Variants in B4GALT6 observed in about 807,000 individuals in gnomAD.
B4GALT6 encodes beta-1,4-galactosyltransferase 6.
A neutral mutation model predicts 46.3 loss-of-function variants in B4GALT6; 14 were observed. That is an observed-to-expected ratio of 0.30 (90% CI 0.20 to 0.47). The LOEUF (loss-of-function observed/expected upper bound fraction) is 0.47, where lower values mean the gene tolerates loss of function less well. B4GALT6 is among the 20% of genes least tolerant of loss of function. The pLI is 0.99. For synonymous variants in B4GALT6, 168 were observed against 162.0 expected (o/e 1.04, Z -0.28); for missense variants, 386 against 480.1 (o/e 0.80, Z 1.83).
upstream of B4GALT6, among the ~76,000 whole-genome samples, chr18:31,687,170 G>A (rs2029958821): frequency 6.6e-6 from 1 of 152,282 alleles, no homozygotes; most frequent in South Asian, 2.1e-4. Flanking sequence ...ACTTTTATCT[G>A]TTGTACCAGA....
rs565913357 is a variant in B4GALT6, at chr18:31,662,099, T to C, written c.233-4010A>G. ...AGGGCCAGAGAGAATTGTTCTACTT[T>C]TTATTTTAGTGCTAGAATGACTGAA... is the stretch of plus-strand genomic sequence containing the variant. On this transcript the variant is annotated intron_variant, in intron 2 of 8. Coordinates refer to ENST00000306851, the MANE Select transcript of B4GALT6 (RefSeq NM_004775.5). Among the ~76,000 whole-genome samples, 11 of 152,342 alleles carry C rather than the reference T, an allele frequency of 7.2e-5. No homozygotes were observed. In the South Asian group the frequency reaches 2.1e-3, roughly 29 times the overall value.
At position 31,624,245 on chromosome 18, in the gene B4GALT6, C is replaced by T. The variant is rs1227500132; in HGVS notation, c.*1369G>A. 1 of 151,916 alleles carries T rather than the reference C, an allele frequency of 6.6e-6. No individual in the cohort carries two copies. The highest frequency in any genetic ancestry group is 6.6e-5 in the Admixed American group (1 of 15,238). 9.4% of individuals were successfully genotyped at this position (151,916 alleles called of 1,614,324 possible). The stretch of plus-strand genomic sequence containing the variant: ...GGCATCAGTGCACCAAATAACTCAT[C>T]ACGTATTTTAAGACAATGCTATTAA... On this transcript the variant is annotated 3_prime_UTR_variant, in exon 9 of 9. Transcript: ENST00000306851.
chr18:31,652,749 G>T (rs1253739099), intron 3 of B4GALT6, among the ~76,000 whole-genome samples: 5 of 152,120 alleles, frequency 3.3e-5, no homozygotes, highest in Non-Finnish European at 7.4e-5. Context: ...GCCACATCTG[G>T]CCAATGGCAC....
the B4GALT6 span, among the ~76,000 whole-genome samples, chr18:31,700,745 C>T: frequency 4.9e-4 from 75 of 152,058 alleles, no homozygotes; most frequent in East Asian, 0.013. Flanking sequence ...TGTGAGCCAC[C>T]GCGCCCGGCC....
chr18:31,668,224 C>T (rs1437462908), intron 1 of B4GALT6, among the ~76,000 whole-genome samples: 4 of 152,108 alleles, frequency 2.6e-5, no homozygotes, highest in Non-Finnish European at 4.4e-5. Context: ...AACCAAATAC[C>T]GCATGTTCTC....
At chr18:31,692,545 A>G in the B4GALT6 span, among the ~76,000 whole-genome samples, 1 of 37,934 alleles carries the variant, frequency 2.6e-5, no homozygotes, top group Non-Finnish European at 7.5e-5. Context: ...ACAATTTCTG[A>G]TATTAAAACT....
chr18:31,637,089 G>C (rs1434701993), intron 5 of B4GALT6, among the ~76,000 whole-genome samples: 1 of 152,212 alleles, frequency 6.6e-6, no homozygotes, highest in Non-Finnish European at 1.5e-5. Flanking sequence ...AAAGTGCTGG[G>C]ATTACAGGTG....
At chr18:31,709,498 T>A in the B4GALT6 span, among the ~76,000 whole-genome samples, 5 of 149,278 alleles carry the variant, frequency 3.3e-5, no homozygotes, top group Non-Finnish European at 5.9e-5. Flanking sequence ...GAATAACATA[T>A]GGTATCCAAT....
At chr18:31,632,573 G>T (rs1292394555) in intron 5 of B4GALT6, among the ~76,000 whole-genome samples, 1 of 152,090 alleles carries the variant, frequency 6.6e-6, no homozygotes, top group African/African-American at 2.4e-5. Flanking sequence ...TTCACTTTAA[G>T]ACACTGTCTC....
At chr18:31,675,915 T>C (rs2074409224) in intron 1 of B4GALT6, among the ~76,000 whole-genome samples, 1 of 152,156 alleles carries the variant, frequency 6.6e-6, no homozygotes, top group African/African-American at 2.4e-5. Context: ...TTTACTTGTG[T>C]TTTCACAATT....
the B4GALT6 span, among the ~76,000 whole-genome samples, chr18:31,713,017 T>C: frequency 5.9e-5 from 9 of 152,328 alleles, no homozygotes; most frequent in African/African-American, 2.2e-4. Context: ...GTTTGGTTCT[T>C]ACCAGTTTCT....
chr18:31,626,092 T>C (rs1280110193), intron 8 of B4GALT6, among the ~76,000 whole-genome samples, 191 bp downstream of exon 8: 1 of 152,234 alleles, frequency 6.6e-6, no homozygotes, highest in South Asian at 2.1e-4. Context: ...AATGTATATA[T>C]ACGTATATCT....
chr18:31,701,859 A>G, the B4GALT6 span, among the ~76,000 whole-genome samples: 1 of 152,188 alleles, frequency 6.6e-6, no homozygotes, highest in African/African-American at 2.4e-5. Context: ...ACAAAGGATT[A>G]ATTTCCTTAA....
At chr18:31,704,293 C>T in the B4GALT6 span, among the ~76,000 whole-genome samples, 1 of 151,568 alleles carries the variant, frequency 6.6e-6, no homozygotes, top group African/African-American at 2.4e-5. Context: ...ACTGCAACCT[C>T]CACCTCCCAG....
At position 31,655,900 on chromosome 18, in the gene B4GALT6, A is replaced by AT. The variant is rs34265884; in HGVS notation, c.346+2075dup. Among the ~76,000 whole-genome samples the AT allele has an allele frequency of 5.0e-3, 757 of 151,046 alleles. 8 individuals are homozygous for AT. The highest frequency in any genetic ancestry group is 0.018 in the African/African-American group (723 of 41,154). ...ACAGCAAGATTAGAATCACCTGAGA[A>AT]TTTTTTTTTTCTTAAATACCAGGGA... is the stretch of plus-strand genomic sequence containing the variant. On this transcript the variant is annotated intron_variant, in intron 3 of 8. Coordinates refer to ENST00000306851, the MANE Select transcript of B4GALT6 (RefSeq NM_004775.5).
chr18:31,724,103 C>T, the B4GALT6 span: 9 of 289,920 alleles, frequency 3.1e-5, no homozygotes, highest in African/African-American at 1.8e-4. Context: ...ATAAGATTGC[C>T]CTGGTGACGC....
At chr18:31,626,898 A>AACAAACC in intron 7 of B4GALT6, 101 bp downstream of exon 7, 1 of 1,006,208 alleles carries the variant, frequency 9.9e-7, no homozygotes, top group Non-Finnish European at 1.4e-6. Flanking sequence ...AACATATCCC[A>AACAAACC]TCCCAAAGAA....
At chr18:31,629,828 C>G (rs551556396) in intron 6 of B4GALT6, among the ~76,000 whole-genome samples, 2 of 136,520 alleles carry the variant, frequency 1.5e-5, no homozygotes, top group Non-Finnish European at 3.1e-5. Context: ...CCAGCATGGG[C>G]GACAAAGCGA....
At chr18:31,706,166 C>G in the B4GALT6 span, among the ~76,000 whole-genome samples, 1 of 151,954 alleles carries the variant, frequency 6.6e-6, no homozygotes, top group Admixed American at 6.6e-5. Context: ...GCTCTGTTTA[C>G]AGAGGGAATA....
Sources: allele counts gnomAD v4.1 joint callset (sites outside exome capture counted in the v4.1 genomes callset), GRCh38; gene constraint gnomAD v4.1.1; transcripts MANE v1.5; gene names NCBI Gene and HGNC (gene_info 2026-07-23, HGNC 2026-07-21).